The following XKR9 variants were observed in gnomAD, a reference collection of about 807,000 sequenced individuals.
The protein encoded by XKR9 is XK related 9, also known as XK-related protein 9.
XKR9 carries 32 observed loss-of-function variants against 32.0 expected under a neutral mutation model. That is an observed-to-expected ratio of 1.00 (90% CI 0.76 to 1.34). XKR9 has a LOEUF of 1.34. Ranked by LOEUF, XKR9 falls within the 40% of genes most tolerant of loss-of-function variation. The pLI is 0.00. For missense variants in XKR9, 546 were observed against 429.7 expected, an observed-to-expected ratio of 1.27 and a Z score of -2.39; for synonymous variants, 168 against 143.4, an observed-to-expected ratio of 1.17 and a Z score of -1.22.
At chr8:70,907,699 T>C in the XKR9 span, among the ~76,000 whole-genome samples, 4 of 152,352 alleles carry the variant, frequency 2.6e-5, no homozygotes, top group East Asian at 5.8e-4. Context: ...GAAAAGCTGT[T>C]AGTTTTTCTT....
chr8:70,999,428 T>C, the XKR9 span, among the ~76,000 whole-genome samples: 3 of 152,158 alleles, frequency 2.0e-5, no homozygotes, highest in African/African-American at 7.2e-5. Flanking sequence ...TCTAGCCCAC[T>C]GCTGGCATTT....
At chr8:70,869,050 C>A in the XKR9 span, among the ~76,000 whole-genome samples, 1 of 152,188 alleles carries the variant, frequency 6.6e-6, no homozygotes, top group African/African-American at 2.4e-5. Flanking sequence ...TCATCCGAGA[C>A]CACCTCAGCA....
intron 4 of XKR9, among the ~76,000 whole-genome samples, chr8:70,710,948 C>T (rs1026737471): frequency 1.3e-5 from 2 of 151,932 alleles, no homozygotes; most frequent in African/African-American, 4.8e-5. Flanking sequence ...AACAAACAAC[C>T]CCGTTAAAAA....
chr8:70,703,515 T>G (rs528473394), intron 3 of XKR9, among the ~76,000 whole-genome samples: 7 of 152,154 alleles, frequency 4.6e-5, no homozygotes, highest in African/African-American at 1.7e-4. Context: ...GCCTCTTTTA[T>G]AAGCACACTA....
At chr8:70,788,586 G>A (rs1807722581) in intron 2 of XKR9, among the ~76,000 whole-genome samples, 1 of 151,994 alleles carries the variant, frequency 6.6e-6, no homozygotes, top group Non-Finnish European at 1.5e-5. Flanking sequence ...ATGTAACATG[G>A]TAATTATAAA....
chr8:70,726,157 T>C (rs1186523981), intron 4 of XKR9, among the ~76,000 whole-genome samples: 2 of 152,152 alleles, frequency 1.3e-5, no homozygotes, highest in Admixed American at 1.3e-4. Flanking sequence ...ATCAAATTTA[T>C]GGTTAAGCTT....
the XKR9 span, among the ~76,000 whole-genome samples, chr8:70,838,535 A>G: frequency 6.6e-6 from 1 of 152,164 alleles, no homozygotes; most frequent in East Asian, 1.9e-4. Flanking sequence ...CCTGCCAGAT[A>G]GGTGTCATTA....
chr8:70,902,040 G>C, the XKR9 span, among the ~76,000 whole-genome samples: 1 of 151,828 alleles, frequency 6.6e-6, no homozygotes, highest in Non-Finnish European at 1.5e-5. Context: ...GTACCATGCT[G>C]TTTTGGTTAC....
At chr8:70,765,752 G>T (rs1586889491) in intron 2 of XKR9, among the ~76,000 whole-genome samples, 1 of 152,170 alleles carries the variant, frequency 6.6e-6, no homozygotes, top group Admixed American at 6.6e-5. Context: ...TTACATTTAA[G>T]TCTTGAATCC....
chr8:70,847,594 AAAGAG>A, the XKR9 span, among the ~76,000 whole-genome samples: 136 of 152,062 alleles, frequency 8.9e-4, no homozygotes, highest in Non-Finnish European at 1.5e-3. Flanking sequence ...AATAAGAAAA[AAAGAG>A]AAAAGACCCA....
chr8:70,747,042 T>TA (rs1301208800), intron 2 of XKR9, among the ~76,000 whole-genome samples: 4 of 152,188 alleles, frequency 2.6e-5, no homozygotes, highest in Admixed American at 6.5e-5. Context: ...TTAATTCACT[T>TA]ACGATAATGG....
chr8:70,802,940 C>T, the XKR9 span, among the ~76,000 whole-genome samples: 1 of 152,084 alleles, frequency 6.6e-6, no homozygotes, highest in Non-Finnish European at 1.5e-5. Context: ...TGGGGGTGGT[C>T]TCTTGTATAG....
the XKR9 span, among the ~76,000 whole-genome samples, chr8:70,888,314 C>T: frequency 1.3e-5 from 2 of 151,068 alleles, no homozygotes; most frequent in African/African-American, 2.4e-5. Flanking sequence ...TTTTAGTTGG[C>T]TATTGCGTTG....
At chr8:70,695,784 A>G (rs34351710) in intron 3 of XKR9, among the ~76,000 whole-genome samples, 54,865 of 143,360 alleles carry the variant, frequency 0.38, 12,051 homozygotes, top group Non-Finnish European at 0.51. Context: ...ACTAGTTTAC[A>G]GTCCCAGCAA....
the XKR9 span, among the ~76,000 whole-genome samples, chr8:70,944,882 T>C: frequency 6.6e-6 from 1 of 152,300 alleles, no homozygotes; most frequent in East Asian, 1.9e-4. Flanking sequence ...AGTCCTACAG[T>C]TGAGCTTGTC....
the XKR9 span, among the ~76,000 whole-genome samples, chr8:70,993,842 G>A: frequency 1.8e-4 from 27 of 152,088 alleles, no homozygotes; most frequent in African/African-American, 6.3e-4. Flanking sequence ...GTGTATGTTT[G>A]GGGGGTGGCC....
At chr8:70,887,641 G>A in the XKR9 span, among the ~76,000 whole-genome samples, 74 of 151,868 alleles carry the variant, frequency 4.9e-4, no homozygotes, top group African/African-American at 1.7e-3. Context: ...GGTCCTTCAC[G>A]TCCCTTTAAG....
chr8:70,768,567 T>C (rs1807409537), intron 2 of XKR9, among the ~76,000 whole-genome samples: 1 of 151,864 alleles, frequency 6.6e-6, no homozygotes, highest in South Asian at 2.1e-4. Flanking sequence ...TCTATTATTG[T>C]CTAGTATGTC....
the XKR9 span, among the ~76,000 whole-genome samples, chr8:71,032,020 C>G: frequency 2.8e-3 from 426 of 152,284 alleles, 5 homozygotes; most frequent in African/African-American, 9.7e-3. Context: ...TGGGGCTGGG[C>G]ACGGTGGCTT....
Sources: gnomAD v4.1 joint callset for allele counts (sites outside exome capture counted in the v4.1 genomes callset) on GRCh38, gnomAD v4.1.1 for gene constraint, MANE v1.5 for transcripts, NCBI Gene and HGNC (gene_info 2026-07-23, HGNC 2026-07-21) for gene names.